The following IGFBPL1 variants were observed in gnomAD, a reference collection of about 807,000 sequenced individuals.
IGFBPL1 encodes insulin like growth factor binding protein like 1.
In IGFBPL1, 20 loss-of-function variants were observed where a neutral mutation model predicts 23.9. The observed-to-expected ratio is 0.84, with a 90% CI of 0.59 to 1.22. The LOEUF (loss-of-function observed/expected upper bound fraction) is 1.22. IGFBPL1 is among the 50% of genes most tolerant of loss of function. The pLI is 0.00. For missense variants in IGFBPL1, 436 were observed against 379.3 expected (o/e 1.15, Z -1.24); for synonymous variants, 184 against 171.8 (o/e 1.07, Z -0.56).
At chr9:38,415,076 G>A (rs1821581163) in intron 1 of IGFBPL1, among the ~76,000 whole-genome samples, 1 of 152,190 alleles carries the variant, frequency 6.6e-6, no homozygotes, top group African/African-American at 2.4e-5. Context: ...GCAGTGTAGA[G>A]GCCTGGCCAG....
In IGFBPL1 at chr9:38,407,176, C is replaced by T. The variant is rs1415510398; in HGVS notation, c.*2051G>A. On this transcript the variant is annotated 3_prime_UTR_variant, in exon 5 of 5. Coordinates refer to ENST00000377694, the MANE Select transcript of IGFBPL1 (RefSeq NM_001007563.3). ...TGAGGAGTGGATGTGAGCAGGTCCC[C>T]TGGCAGCTCCAAACCCCAGTAGACA... 1.3e-5 allele frequency among the ~76,000 whole-genome samples: 2 copies of T among 152,222 alleles called. No homozygotes were observed. Among genetic ancestry groups the T allele is most frequent in the Admixed American group, 1.3e-4 (2 of 15,282 alleles).
chr9:38,414,323 T>A (rs1821562413), intron 1 of IGFBPL1, 120 bp from the exon 2 acceptor site: 4 of 609,266 alleles, frequency 6.6e-6, no homozygotes, highest in Non-Finnish European at 1.2e-5. Context: ...GAGCGGCACA[T>A]CACGCTTGGG....
intron 2 of IGFBPL1, 55 bp downstream of exon 2, chr9:38,414,039 A>T (rs996562821): frequency 1.4e-5 from 13 of 942,892 alleles, no homozygotes; most frequent in African/African-American, 8.2e-5. Flanking sequence ...TTTCTCACAC[A>T]CACACACACA....
rs369351283 is a variant in IGFBPL1, at chr9:38,410,351, C to T, written c.*9+1040G>A. The stretch of plus-strand genomic sequence containing the variant: ...CAAAAAAATTAGCCAGGTGTGGTGG[C>T]GGGTGCCTGTAGTCCCAGCTACTCG... On this transcript the variant is annotated intron_variant, in intron 4 of 4. Coordinates refer to ENST00000377694, the MANE Select transcript of IGFBPL1 (RefSeq NM_001007563.3). Among the ~76,000 whole-genome samples the T allele has an allele frequency of 2.9e-3, 444 of 152,086 alleles. 4 individuals carry two copies. The highest frequency in any genetic ancestry group is 9.9e-3 in the African/African-American group (411 of 41,486).
At chr9:38,411,915 T>C (rs889018303) in intron 3 of IGFBPL1, among the ~76,000 whole-genome samples, 4 of 152,216 alleles carry the variant, frequency 2.6e-5, no homozygotes, top group Non-Finnish European at 5.9e-5. Flanking sequence ...AAGTATTCCC[T>C]ATAGGGGCAG....
chr9:38,419,585 G>T (rs1303441724), intron 1 of IGFBPL1, among the ~76,000 whole-genome samples: 1 of 152,020 alleles, frequency 6.6e-6, no homozygotes, highest in Admixed American at 6.6e-5. Context: ...GTGCTGGCCG[G>T]GACCCTGTTC....
chr9:38,409,592 T>C (rs903380431), intron 4 of IGFBPL1, among the ~76,000 whole-genome samples: 10 of 152,222 alleles, frequency 6.6e-5, no homozygotes, highest in East Asian at 1.9e-4. Context: ...CAATTTTTCA[T>C]GGTATCCTTT....
chr9:38,410,290 G>T (rs1206617580), intron 4 of IGFBPL1, among the ~76,000 whole-genome samples: 1 of 152,014 alleles, frequency 6.6e-6, no homozygotes, highest in Non-Finnish European at 1.5e-5. Context: ...AGACCATCCT[G>T]GCTAACACGG....
chr9:38,423,469 C>G (rs769141499), intron 1 of IGFBPL1, among the ~76,000 whole-genome samples: 1 of 152,084 alleles, frequency 6.6e-6, no homozygotes, highest in Non-Finnish European at 1.5e-5. Context: ...CACCGGGGGC[C>G]CTGGTGCTCT....
chr9:38,414,343 TAA>T (rs1488885504), intron 1 of IGFBPL1, 140 bp from the exon 2 acceptor site: 10 of 577,332 alleles, frequency 1.7e-5, no homozygotes, highest in Non-Finnish European at 2.5e-5. Flanking sequence ...GCAGGAATCC[TAA>T]AAGAGAGATT....
intron 1 of IGFBPL1, among the ~76,000 whole-genome samples, chr9:38,422,603 G>C (rs1821695315): frequency 6.6e-6 from 1 of 152,216 alleles, no homozygotes. Context: ...TATGGCCAGA[G>C]AGGGGAAGGG....
chr9:38,415,047 A>G (rs531955927), intron 1 of IGFBPL1, among the ~76,000 whole-genome samples: 1 of 152,342 alleles, frequency 6.6e-6, no homozygotes, highest in South Asian at 2.1e-4. Flanking sequence ...ATCCAGCACC[A>G]CAGCGTGTTG....
intron 1 of IGFBPL1, among the ~76,000 whole-genome samples, chr9:38,417,675 A>G (rs548270752): frequency 1.1e-4 from 17 of 152,324 alleles, no homozygotes; most frequent in African/African-American, 4.1e-4. Context: ...CCCATCTGGC[A>G]AAATCAGCCA....
At chr9:38,416,732 T>C (rs1821604173) in intron 1 of IGFBPL1, among the ~76,000 whole-genome samples, 2 of 151,510 alleles carry the variant, frequency 1.3e-5, no homozygotes, top group African/African-American at 4.9e-5. Context: ...TGGAATGAAG[T>C]GGCACAATCA....
At chr9:38,418,115 A>C in intron 1 of IGFBPL1, among the ~76,000 whole-genome samples, 1 of 152,172 alleles carries the variant, frequency 6.6e-6, no homozygotes, top group East Asian at 1.9e-4. Flanking sequence ...TATGAAGATA[A>C]CCCATAACAT....
At chr9:38,411,335 C>G in intron 4 of IGFBPL1, 56 bp downstream of exon 4, 1 of 1,467,598 alleles carries the variant, frequency 6.8e-7, no homozygotes. Flanking sequence ...TTATAAGCCA[C>G]CTCAAATATC....
rs7046593 is a variant in IGFBPL1 at position 38,409,844 on chromosome 9, T to C, written c.*10-627A>G. On this transcript the variant is annotated intron_variant, in intron 4 of 4. Coordinates refer to ENST00000377694, the MANE Select transcript of IGFBPL1 (RefSeq NM_001007563.3). ...CTACTCACGTACACCCATCCTTCAA[T>C]CCTCATGCCACCTCCTCGATGATTC... Among the ~76,000 whole-genome samples the C allele has an allele frequency of 3.5e-3, 528 of 152,260 alleles. 1 individual carries two copies. Among genetic ancestry groups the C allele is most frequent in the African/African-American group, 0.012 (479 of 41,560 alleles).
At chr9:38,410,460 G>C (rs890694832) in intron 4 of IGFBPL1, among the ~76,000 whole-genome samples, 1 of 149,156 alleles carries the variant, frequency 6.7e-6, no homozygotes, top group East Asian at 2.0e-4. Context: ...TCCAGCCTGG[G>C]TGACAGAGTG....
intron 1 of IGFBPL1, among the ~76,000 whole-genome samples, chr9:38,420,710 G>A (rs10814693): frequency 0.23 from 35,420 of 151,966 alleles, 4,616 homozygotes; most frequent in African/African-American, 0.34. Flanking sequence ...GGTGGTGGGC[G>A]CCTGTAGTCC....
Sources: gnomAD v4.1 joint callset for allele counts (sites outside exome capture counted in the v4.1 genomes callset) on GRCh38, gnomAD v4.1.1 for gene constraint, MANE v1.5 for transcripts, NCBI Gene and HGNC (gene_info 2026-07-23, HGNC 2026-07-21) for gene names.